SP6: variants seen among roughly 807,000 people sequenced by gnomAD.
SP6 encodes Sp6 transcription factor.
SP6 carries 10 observed loss-of-function variants against 23.4 expected under a neutral mutation model. The ratio of observed to expected loss-of-function variants is 0.43; its 90% CI spans 0.26 to 0.72. SP6 has a LOEUF of 0.72. SP6 is among the 30% of genes least tolerant of loss of function. The pLI, the probability that SP6 is intolerant of heterozygous loss-of-function variation, is 0.23. For synonymous variants in SP6, 238 were observed against 238.7 expected (o/e 1.00, Z 0.03); for missense variants, 482 against 523.8 (o/e 0.92, Z 0.78).
the SP6 span, among the ~76,000 whole-genome samples, chr17:47,866,375 C>G: frequency 0.056 from 8,552 of 152,114 alleles, 385 homozygotes; most frequent in East Asian, 0.27. Flanking sequence ...AGTAGAAAAT[C>G]CAAGCCACGG....
At chr17:47,858,304 A>G (rs1208082547), upstream of SP6, among the ~76,000 whole-genome samples, 1 of 151,376 alleles carries the variant, frequency 6.6e-6, no homozygotes, top group African/African-American at 2.4e-5. Context: ...CCACCCACCA[A>G]CTGCTTTCTG....
At chr17:47,864,695 G>A in the SP6 span, 1 of 152,270 alleles carries the variant, frequency 6.6e-6, no homozygotes, top group African/African-American at 2.4e-5. Flanking sequence ...GAGAAATATG[G>A]GCAGCTCTTA....
the SP6 span, among the ~76,000 whole-genome samples, chr17:47,867,948 T>G: frequency 2.0e-5 from 3 of 151,914 alleles, no homozygotes; most frequent in Admixed American, 2.0e-4. Context: ...GAGATATAGT[T>G]CCTCCCGAAC....
At chr17:47,870,633 C>T in the SP6 span, among the ~76,000 whole-genome samples, 1 of 152,086 alleles carries the variant, frequency 6.6e-6, no homozygotes, top group Non-Finnish European at 1.5e-5. Context: ...CCTAAGCTTG[C>T]TGGGTTTTCA....
upstream of SP6, among the ~76,000 whole-genome samples, chr17:47,858,767 C>CTTTTTTTTTT (rs36092685): frequency 1.4e-4 from 13 of 92,648 alleles, 5 homozygotes; most frequent in Non-Finnish European, 2.2e-4. Flanking sequence ...GATGAAGCAT[C>CTTTTTTTTTT]TTTTTTTTTT....
At chr17:47,873,426 A>G in the SP6 span, among the ~76,000 whole-genome samples, 1 of 152,198 alleles carries the variant, frequency 6.6e-6, no homozygotes, top group East Asian at 1.9e-4. Context: ...GGAGAATGAC[A>G]GGCCTCCTGG....
upstream of SP6, among the ~76,000 whole-genome samples, chr17:47,853,638 G>T (rs2143659669): frequency 6.6e-6 from 1 of 152,212 alleles, no homozygotes; most frequent in Non-Finnish European, 1.5e-5. Flanking sequence ...CAGGGATTCA[G>T]CCCGAGGATG....
rs558896674 is a variant in SP6, at chr17:47,848,896, C to T, written c.-57-410G>A. Among the ~76,000 whole-genome samples, 1 of 152,242 alleles carries T rather than the reference C, an allele frequency of 6.6e-6. No individual in the cohort carries two copies. The highest frequency in any genetic ancestry group is 2.4e-5 in the African/African-American group (1 of 41,530). ...AGGATCTAGACACATCTCAGCTTCC[C>T]CAGTTTAACTCAGGATACAGATGGG... On this transcript the variant is annotated intron_variant, in intron 1 of 1. Transcript: ENST00000536300. This position sits in a 1 kb window ranked among gnomAD's most constrained non-coding sequence, Gnocchi z 5.3.
the SP6 span, among the ~76,000 whole-genome samples, chr17:47,871,976 T>C: frequency 6.6e-6 from 1 of 152,296 alleles, no homozygotes; most frequent in East Asian, 1.9e-4. Flanking sequence ...CCTCTCTAGG[T>C]TTGATTCGTT....
chr17:47,871,043 G>C, the SP6 span, among the ~76,000 whole-genome samples: 1 of 152,104 alleles, frequency 6.6e-6, no homozygotes, highest in Non-Finnish European at 1.5e-5. Context: ...CATAACCCTC[G>C]ATCGAGTATT....
chr17:47,864,601 A>G, the SP6 span: 34 of 152,364 alleles, frequency 2.2e-4, no homozygotes, highest in East Asian at 6.6e-3. Context: ...GTAGGTGGTC[A>G]TGGTCCAGTT....
At position 47,846,670 on chromosome 17, in the gene SP6, G is replaced by A. The variant is rs960567762; in HGVS notation, c.*629C>T. ...TTCCTTCATGGCTCCAACAGACTGGGTCTGAAAGGGTTAATAAGGAAGCTC... is the reference window on the plus strand; with the variant it reads ...TTCCTTCATGGCTCCAACAGACTGGATCTGAAAGGGTTAATAAGGAAGCTC... On this transcript the variant is annotated 3_prime_UTR_variant, in exon 2 of 2. Transcript: ENST00000536300. 2.6e-5 allele frequency: 4 copies of A among 152,210 alleles called. No individual in the cohort carries two copies. Among genetic ancestry groups the A allele is most frequent in the African/African-American group, 9.7e-5 (4 of 41,436 alleles). 9.4% of individuals were successfully genotyped at this position (152,210 alleles called of 1,614,324 possible).
upstream of SP6, among the ~76,000 whole-genome samples, chr17:47,857,791 T>C (rs73985419): frequency 0.034 from 5,108 of 152,178 alleles, 278 homozygotes; most frequent in African/African-American, 0.12. Flanking sequence ...TGCAGAGTCC[T>C]GGCTTCTGGC....
Position 47,847,234 on chromosome 17 carries a change from G to A in SP6, c.*65C>T. 2 of 1,428,424 alleles carry A rather than the reference G, an allele frequency of 1.4e-6. No homozygotes were observed. The highest frequency in any genetic ancestry group is 1.8e-6 in the Non-Finnish European group (2 of 1,084,078). 88.5% of individuals were successfully genotyped at this position (1,428,424 alleles called of 1,614,324 possible). A position where few individuals can be genotyped will look rare whatever the true frequency, so the allele number is the denominator to read the frequency against. The stretch of plus-strand genomic sequence containing the variant: ...TCTTCCTCAAGCCACCCCCAAGGAC[G>A]TCAGACCTGGGGGCTCGCATCCAGT... On this transcript the variant is annotated 3_prime_UTR_variant, in exon 2 of 2. Transcript: ENST00000536300.
chr17:47,847,732 C>T lies in SP6; in HGVS notation c.698G>A (p.Cys233Tyr). Residue 233 changes from cysteine (C) to tyrosine (Y), a missense_variant, in exon 2 of 2, where the codon TGT (cysteine) becomes TAT (tyrosine). Transcript: ENST00000536300. ...AGCCCCCAGTCGCTCCGCCTCCAGA[C>T]AGTTGGGGCAGCGACAGACGGTCTG... ...SGQTVCRCPNCLEAERLGAPC... is the reference protein window; with the variant it reads ...SGQTVCRCPNYLEAERLGAPC... 6.3e-7 allele frequency: 1 copy of T among 1,591,638 alleles called. No homozygotes were observed. Among genetic ancestry groups the T allele is most frequent in the South Asian group, 1.1e-5 (1 of 88,090 alleles).
At position 47,848,390 on chromosome 17, in the gene SP6, T is replaced by A. The variant is rs759765889; in HGVS notation, c.40A>T (p.Thr14Ser). ...GGCGGGGAGGCGTGCGGCGCTTCCG[T>A]GTGCTGGCTGCCCAGAGAGCCGCAG... ...AVCGSLGSQH[T>S]EAPHASPPRL... The change falls in exon 2 of 2, where the codon ACG becomes TCG. Residue 14 changes from threonine to serine, a missense_variant. By Grantham distance (58) the Thr-to-Ser change is moderately conservative. Transcript: ENST00000536300. This position sits in a 1 kb window ranked among gnomAD's most constrained non-coding sequence, Gnocchi z 5.3. 2 of 1,547,424 alleles carry A rather than the reference T, an allele frequency of 1.3e-6. No homozygotes were observed. The highest frequency in any genetic ancestry group is 1.7e-6 in the Non-Finnish European group (2 of 1,146,614).
At chr17:47,860,700 C>CAA (rs57640996), upstream of SP6, among the ~76,000 whole-genome samples, 16 of 109,408 alleles carry the variant, frequency 1.5e-4, no homozygotes, top group South Asian at 2.8e-4. Context: ...TCCGACTCTA[C>CAA]AAAAAAAAAA....
the SP6 span, among the ~76,000 whole-genome samples, chr17:47,862,221 A>G: frequency 1.3e-5 from 2 of 151,234 alleles, no homozygotes; most frequent in African/African-American, 4.9e-5. Flanking sequence ...GCGGGTGCCT[A>G]TAATCCCAGC....
the SP6 span, among the ~76,000 whole-genome samples, chr17:47,861,805 G>A: frequency 6.6e-6 from 1 of 152,082 alleles, no homozygotes; most frequent in South Asian, 2.1e-4. Context: ...TGGCACTTTA[G>A]GAGGCCAAAG....
Sources: allele counts gnomAD v4.1 joint callset (sites outside exome capture counted in the v4.1 genomes callset), GRCh38; gene constraint gnomAD v4.1.1; non-coding constraint Gnocchi (gnomAD v3.1); transcripts MANE v1.5; gene names NCBI Gene and HGNC (gene_info 2026-07-23, HGNC 2026-07-21).